LRRC63: variants seen among roughly 807,000 people sequenced by gnomAD.
LRRC63 encodes leucine-rich repeat-containing protein 63.
A neutral mutation model predicts 49.5 loss-of-function variants in LRRC63; 40 were observed. The ratio of observed to expected loss-of-function variants is 0.81; its 90% confidence interval spans 0.63 to 1.05. The LOEUF is 1.05. LRRC63 is among the 50% of genes least tolerant of loss of function. The probability of loss-of-function intolerance (pLI) is 0.00; values close to 1 mark genes in which losing one functional copy is unlikely to be tolerated. For synonymous variants in LRRC63, 191 were observed against 221.1 expected (o/e 0.86, Z 1.21); for missense variants, 636 against 663.1 (o/e 0.96, Z 0.45).
At chr13:46,272,366 T>C (rs527712911) in intron 9 of LRRC63, among the ~76,000 whole-genome samples, 2 of 152,308 alleles carry the variant, frequency 1.3e-5, no homozygotes, top group South Asian at 2.1e-4. Context: ...AATGACGATA[T>C]ACAGATAGGT....
intron 2 of LRRC63, among the ~76,000 whole-genome samples, chr13:46,220,876 C>T (rs540169776): frequency 6.6e-6 from 1 of 152,246 alleles, no homozygotes; most frequent in South Asian, 2.1e-4. Context: ...CTCCCGGACC[C>T]CTTATGCTTC....
chr13:46,234,118 T>TAAATAC, intron 4 of LRRC63, 74 bp from the exon 5 acceptor site: 1 of 1,348,284 alleles, frequency 7.4e-7, no homozygotes, highest in Non-Finnish European at 1.0e-6. Context: ...TATCATAAGA[T>TAAATAC]AAATACCTCT....
At chr13:46,259,079 C>T (rs2047572646) in intron 7 of LRRC63, among the ~76,000 whole-genome samples, 1 of 152,116 alleles carries the variant, frequency 6.6e-6, no homozygotes, top group African/African-American at 2.4e-5. Context: ...CTGTGTGAGG[C>T]AGCATGGAGG....
At chr13:46,265,736 G>A (rs2047676230) in intron 8 of LRRC63, among the ~76,000 whole-genome samples, 1 of 152,184 alleles carries the variant, frequency 6.6e-6, no homozygotes, top group Non-Finnish European at 1.5e-5. Context: ...CCCTAGGCTT[G>A]TGATTTGCGC....
chr13:46,234,378 C>T (rs1357263685), intron 5 of LRRC63, 29 bp downstream of exon 5: 9 of 1,535,566 alleles, frequency 5.9e-6, no homozygotes, highest in Middle Eastern at 1.7e-4. Context: ...ATGACAGTGC[C>T]CTCCTGTATT....
At chr13:46,261,687 CT>C (rs2047617258) in intron 7 of LRRC63, among the ~76,000 whole-genome samples, 1 of 152,122 alleles carries the variant, frequency 6.6e-6, no homozygotes, top group Non-Finnish European at 1.5e-5. Context: ...CTAAATAGGG[CT>C]TTGTCCACTC....
chr13:46,264,233 C>A lies in LRRC63; in HGVS notation c.1310+2241C>A, dbSNP rs140223794. 9.2e-4 allele frequency among the ~76,000 whole-genome samples: 140 copies of A among 152,300 alleles called. No individual in the cohort carries two copies. In the Middle Eastern group the frequency reaches 0.014, roughly 15 times the overall value. On this transcript the variant is annotated intron_variant, in intron 8 of 9. Coordinates refer to ENST00000595396, the Ensembl canonical transcript of LRRC63. ...ACAAGTTGTCTTTTTCTTAAGCTGT[C>A]TTTCCCGGAATTCAGTGAATTATTT...
At chr13:46,250,918 A>G (rs1036065061) in intron 7 of LRRC63, among the ~76,000 whole-genome samples, 2 of 151,864 alleles carry the variant, frequency 1.3e-5, no homozygotes, top group Non-Finnish European at 2.9e-5. Flanking sequence ...CAATTTCCTA[A>G]TCTGTAAACT....
chr13:46,213,231 G>T, intron 2 of LRRC63, 112 bp downstream of exon 2: 1 of 654,250 alleles, frequency 1.5e-6, no homozygotes. Flanking sequence ...ACTTACAAAT[G>T]TTTGTTGTCA....
intron 3 of LRRC63, among the ~76,000 whole-genome samples, chr13:46,228,422 A>G (rs1309702975): frequency 9.2e-5 from 14 of 152,254 alleles, no homozygotes; most frequent in Admixed American, 9.2e-4. Context: ...ATGGGAACCA[A>G]CAAGGGAATT....
chr13:46,212,238 T>A (rs2046112167), exon 1 of LRRC63: 1 of 152,250 alleles, frequency 6.6e-6, no homozygotes. Flanking sequence ...CTTGAGCGCT[T>A]GTGTGCAGTT....
In LRRC63 at chr13:46,250,295, A is replaced by G. The variant is rs148441163; in HGVS notation, c.1090-60A>G. The G allele has an allele frequency of 1.1e-4, 146 of 1,330,188 alleles. 1 individual carries two copies. In the African/African-American group the frequency reaches 1.9e-3, roughly 17 times the overall value. 82.4% of individuals were successfully genotyped at this position (1,330,188 alleles called of 1,614,324 possible). ...TTCAGAGAGTTTATAAAAGGTAACA[A>G]ATAATGATTTGCATACTTTATTATT... On this transcript the variant is annotated intron_variant, in intron 6 of 9. Coordinates refer to ENST00000595396, the Ensembl canonical transcript of LRRC63.
At chr13:46,268,095 A>C (rs144688808) in intron 9 of LRRC63, among the ~76,000 whole-genome samples, 185 of 152,340 alleles carry the variant, frequency 1.2e-3, no homozygotes, top group African/African-American at 4.2e-3. Flanking sequence ...AAAGCAAAAC[A>C]ATCAAACAGA....
At chr13:46,212,858 T>TC in intron 1 of LRRC63, 144 bp from the exon 2 acceptor site, 1 of 511,852 alleles carries the variant, frequency 2.0e-6, no homozygotes, top group Non-Finnish European at 3.4e-6. Context: ...TTTCTTACCC[T>TC]CTTTTTTTTT....
chr13:46,255,117 C>G (rs1236908342), intron 7 of LRRC63, among the ~76,000 whole-genome samples: 1 of 150,600 alleles, frequency 6.6e-6, no homozygotes, highest in East Asian at 1.9e-4. Flanking sequence ...TATGCTACAA[C>G]AACAATGAGC....
chr13:46,265,159 CAAA>C (rs71701775), intron 8 of LRRC63, among the ~76,000 whole-genome samples: 3 of 143,574 alleles, frequency 2.1e-5, no homozygotes, highest in Non-Finnish European at 4.6e-5. Context: ...GACTCCATCT[CAAA>C]AAAAAAAAAT....
intron 2 of LRRC63, among the ~76,000 whole-genome samples, chr13:46,219,926 A>C (rs2046357157): frequency 6.6e-6 from 1 of 152,202 alleles, no homozygotes; most frequent in Non-Finnish European, 1.5e-5. Flanking sequence ...GGGTATCACC[A>C]GCGGAGCCTG....
At chr13:46,250,970 C>T (rs2047362989) in intron 7 of LRRC63, among the ~76,000 whole-genome samples, 1 of 151,836 alleles carries the variant, frequency 6.6e-6, no homozygotes, top group Admixed American at 6.6e-5. Context: ...CTTTCAACTC[C>T]ATAAGAATGC....
exon 10 of LRRC63, chr13:46,276,828 G>GTGTGTGTATATATATATATATA (rs1175818781): frequency 7.2e-6 from 1 of 138,532 alleles, no homozygotes; most frequent in African/African-American, 3.5e-5. Flanking sequence ...GTATGTGTGT[G>GTGTGTGTATATATATATATATA]TATATATATA....
Sources: gnomAD v4.1 joint callset for allele counts (sites outside exome capture counted in the v4.1 genomes callset) on GRCh38, gnomAD v4.1.1 for gene constraint, MANE v1.5 for transcripts, NCBI Gene and HGNC (gene_info 2026-07-23, HGNC 2026-07-21) for gene names.